RELN: variants seen among roughly 807,000 people sequenced by gnomAD.
The protein encoded by RELN is reelin.
RELN carries 108 observed loss-of-function variants against 427.6 expected under a neutral mutation model. The observed-to-expected ratio is 0.25, with a 90% CI of 0.22 to 0.30. The LOEUF (loss-of-function observed/expected upper bound fraction) is 0.30. RELN is among the 10% of genes least tolerant of loss of function. RELN has a pLI of 1.00. For synonymous variants in RELN, 1,524 were observed against 1,513.4 expected, an observed-to-expected ratio of 1.01 and a Z score of -0.16; for missense variants, 3,715 against 4,302.8, an observed-to-expected ratio of 0.86 and a Z score of 3.82.
At chr7:103,781,346 T>TA (rs1443037362) in intron 3 of RELN, among the ~76,000 whole-genome samples, 3 of 152,164 alleles carry the variant, frequency 2.0e-5, no homozygotes, top group African/African-American at 2.4e-5. Context: ...TATATTCTGC[T>TA]ATATAAATAT....
intron 1 of RELN, among the ~76,000 whole-genome samples, chr7:103,939,252 C>T (rs1161073661): frequency 6.6e-6 from 1 of 151,906 alleles, no homozygotes; most frequent in African/African-American, 2.4e-5. Context: ...CCCAGCCATA[C>T]AGTTTTATAA....
intron 37 of RELN, 80 bp downstream of exon 37, chr7:103,557,885 T>A: frequency 2.7e-6 from 2 of 751,438 alleles, no homozygotes; most frequent in East Asian, 5.2e-5. Context: ...CTTATGGGCC[T>A]TAAATCCGTG....
chr7:103,921,533 G>A (rs1186359855), intron 1 of RELN, among the ~76,000 whole-genome samples: 2 of 152,070 alleles, frequency 1.3e-5, no homozygotes, highest in Non-Finnish European at 2.9e-5. Flanking sequence ...ATTTCATACA[G>A]AATTCTGAAC....
chr7:103,630,986 C>G (rs1421830946), intron 19 of RELN, among the ~76,000 whole-genome samples: 1 of 150,490 alleles, frequency 6.6e-6, no homozygotes, highest in Non-Finnish European at 1.5e-5. Flanking sequence ...TACTGAGAAA[C>G]TGGATTGGCT....
chr7:103,972,623 T>C (rs1041132331), intron 1 of RELN, among the ~76,000 whole-genome samples: 1 of 151,998 alleles, frequency 6.6e-6, no homozygotes, highest in Non-Finnish European at 1.5e-5. Flanking sequence ...AGAGGGGCCA[T>C]CATCCATCAA....
intron 2 of RELN, among the ~76,000 whole-genome samples, chr7:103,835,153 G>A (rs1793368495): frequency 6.6e-6 from 1 of 152,162 alleles, no homozygotes; most frequent in Non-Finnish European, 1.5e-5. Context: ...AGACATAAAG[G>A]AAACTTAATA....
chr7:103,681,367 CTA>C (rs1014521634), intron 11 of RELN, among the ~76,000 whole-genome samples: 8 of 152,228 alleles, frequency 5.3e-5, no homozygotes, highest in Admixed American at 3.9e-4. Context: ...TAAATTATTG[CTA>C]TTTCATATTC....
At chr7:103,868,458 T>C (rs557101243) in intron 2 of RELN, among the ~76,000 whole-genome samples, 4 of 152,224 alleles carry the variant, frequency 2.6e-5, no homozygotes, top group East Asian at 3.9e-4. Context: ...CCACATGAAA[T>C]TGTTTCCACA....
At chr7:103,547,806 G>T (rs1240928010) in intron 41 of RELN, among the ~76,000 whole-genome samples, 3 of 151,406 alleles carry the variant, frequency 2.0e-5, no homozygotes, top group Admixed American at 2.0e-4. Flanking sequence ...CAAATGTTCT[G>T]AATACAAATG....
chr7:103,977,012 T>C (rs1337173539), intron 1 of RELN, among the ~76,000 whole-genome samples: 3 of 151,760 alleles, frequency 2.0e-5, no homozygotes, highest in African/African-American at 7.3e-5. Flanking sequence ...GGTTGTTAAG[T>C]GTAAGATCTC....
At chr7:103,651,933 G>A in intron 14 of RELN, 144 bp from the exon 15 acceptor site, 2 of 841,190 alleles carry the variant, frequency 2.4e-6, no homozygotes, top group South Asian at 3.1e-5. Context: ...CTAAATGATT[G>A]TTTTCTCTTT....
At chr7:103,734,904 T>C (rs1461482852) in intron 6 of RELN, among the ~76,000 whole-genome samples, 1 of 152,168 alleles carries the variant, frequency 6.6e-6, no homozygotes, top group Non-Finnish European at 1.5e-5. Flanking sequence ...GTTTTTCTGA[T>C]AAAAATGTAC....
chr7:103,942,658 A>G (rs1366736871), intron 1 of RELN, among the ~76,000 whole-genome samples: 11 of 152,214 alleles, frequency 7.2e-5, no homozygotes, highest in Non-Finnish European at 1.3e-4. Context: ...TCATGCCTGT[A>G]ATCCCAGGAC....
chr7:103,885,173 A>C (rs564426763), intron 2 of RELN, among the ~76,000 whole-genome samples: 1 of 152,160 alleles, frequency 6.6e-6, no homozygotes, highest in Admixed American at 6.5e-5. Context: ...CCCCATCTCT[A>C]CTAAAAATAC....
intron 2 of RELN, among the ~76,000 whole-genome samples, chr7:103,872,067 TA>T (rs1221008968): frequency 3.4e-5 from 5 of 147,658 alleles, no homozygotes; most frequent in African/African-American, 1.0e-4. Flanking sequence ...TTTATTTATT[TA>T]TTTTTTTATT....
intron 49 of RELN, among the ~76,000 whole-genome samples, chr7:103,518,737 C>T (rs1447284459): frequency 2.0e-5 from 3 of 151,482 alleles, no homozygotes; most frequent in Admixed American, 1.3e-4. Context: ...TCTTTTCTTA[C>T]CCTCTTCCTC....
intron 31 of RELN, among the ~76,000 whole-genome samples, chr7:103,568,533 C>G (rs1361641694): frequency 1.3e-5 from 2 of 152,154 alleles, no homozygotes; most frequent in Non-Finnish European, 2.9e-5. Flanking sequence ...AAGGGACAGT[C>G]ACACCAAAGT....
At chr7:103,749,757 G>A (rs1012941956) in intron 5 of RELN, among the ~76,000 whole-genome samples, 1 of 152,192 alleles carries the variant, frequency 6.6e-6, no homozygotes, top group African/African-American at 2.4e-5. Context: ...CACTAGGCAG[G>A]CAAGGCAGGA....
chr7:103,661,339 G>A, intron 12 of RELN, 37 bp downstream of exon 12: 19 of 1,607,524 alleles, frequency 1.2e-5, no homozygotes, highest in Non-Finnish European at 1.5e-5. Context: ...CCTAGGATTT[G>A]CCCCACGGTG....
Sources: allele counts gnomAD v4.1 joint callset (sites outside exome capture counted in the v4.1 genomes callset), GRCh38; gene constraint gnomAD v4.1.1; transcripts MANE v1.5; gene names NCBI Gene and HGNC (gene_info 2026-07-23, HGNC 2026-07-21).